CABLES1: variants seen among roughly 807,000 people sequenced by gnomAD.
CABLES1 encodes CDK5 and ABL1 enzyme substrate 1.
CABLES1 carries 36 observed loss-of-function variants against 57.8 expected under a neutral mutation model. The observed-to-expected ratio is 0.62, with a 90% CI of 0.48 to 0.82. The LOEUF (loss-of-function observed/expected upper bound fraction) is 0.82. Ranked by LOEUF, CABLES1 falls within the 40% of genes least tolerant of loss-of-function variation. The pLI, the probability that CABLES1 is intolerant of heterozygous loss-of-function variation, is 0.00. For synonymous variants in CABLES1, 374 were observed against 363.0 expected, an observed-to-expected ratio of 1.03 and a Z score of -0.35; for missense variants, 767 against 836.6, an observed-to-expected ratio of 0.92 and a Z score of 1.03.
intron 1 of CABLES1, among the ~76,000 whole-genome samples, chr18:23,168,830 A>G (rs918085137): frequency 1.3e-5 from 2 of 152,146 alleles, no homozygotes; most frequent in Admixed American, 6.5e-5. Context: ...GTGAGTGCCC[A>G]TTTGTACTAA....
At chr18:23,241,512 A>C (rs1015282334) in intron 7 of CABLES1, among the ~76,000 whole-genome samples, 1 of 152,184 alleles carries the variant, frequency 6.6e-6, no homozygotes, top group Admixed American at 6.5e-5. Context: ...CCTGGGCGAC[A>C]AGCGAAACTA....
intron 3 of CABLES1, among the ~76,000 whole-genome samples, chr18:23,210,299 G>A (rs566771936): frequency 6.6e-6 from 1 of 152,308 alleles, no homozygotes. Context: ...CAAGTAAAGT[G>A]TTGTATGTCA....
chr18:23,243,828 C>T (rs1362002114), intron 7 of CABLES1, among the ~76,000 whole-genome samples: 8 of 149,564 alleles, frequency 5.3e-5, no homozygotes, highest in South Asian at 2.1e-4. Flanking sequence ...GCCGAGATCA[C>T]GCCACTGTAC....
At chr18:23,165,536 C>G (rs770885110) in intron 1 of CABLES1, among the ~76,000 whole-genome samples, 26 of 152,122 alleles carry the variant, frequency 1.7e-4, no homozygotes, top group Admixed American at 5.9e-4. Flanking sequence ...TCCTGCCCCC[C>G]CAGTCCCTGG....
intron 7 of CABLES1, among the ~76,000 whole-genome samples, chr18:23,246,194 G>A (rs568797924): frequency 6.6e-5 from 10 of 151,582 alleles, no homozygotes; most frequent in African/African-American, 2.2e-4. Context: ...AACCTGGGAG[G>A]CAGAGGCTGC....
chr18:23,202,813 C>T (rs569858381), intron 3 of CABLES1, among the ~76,000 whole-genome samples: 2 of 152,130 alleles, frequency 1.3e-5, no homozygotes, highest in South Asian at 4.2e-4. Flanking sequence ...AGTGAAACCC[C>T]ATCTCTACTA....
intron 3 of CABLES1, among the ~76,000 whole-genome samples, chr18:23,203,921 G>T (rs1227279378): frequency 6.6e-6 from 1 of 152,108 alleles, no homozygotes; most frequent in Non-Finnish European, 1.5e-5. Flanking sequence ...CCCCTCAGTG[G>T]CAGAAGGCGG....
intron 3 of CABLES1, among the ~76,000 whole-genome samples, chr18:23,204,164 G>A (rs2047345972): frequency 6.6e-6 from 1 of 152,198 alleles, no homozygotes; most frequent in South Asian, 2.1e-4. Flanking sequence ...GGCGGAAGCG[G>A]GGAGAGAAGC....
chr18:23,254,552 G>T (rs2048117624), intron 9 of CABLES1, among the ~76,000 whole-genome samples: 2 of 152,166 alleles, frequency 1.3e-5, no homozygotes. Flanking sequence ...GTAGTATCTT[G>T]GCTGGTGCTG....
At chr18:23,214,265 A>G (rs777609941) in intron 4 of CABLES1, 35 of 489,182 alleles carry the variant, frequency 7.2e-5, no homozygotes, top group Admixed American at 2.3e-4. Context: ...GTCCCATCCT[A>G]TTGCCTGTTC....
intron 1 of CABLES1, among the ~76,000 whole-genome samples, chr18:23,154,378 T>C (rs2046952287): frequency 6.6e-6 from 1 of 152,322 alleles, no homozygotes; most frequent in Middle Eastern, 3.4e-3. Flanking sequence ...TGGTGGTTTT[T>C]CATAATAGCG....
chr18:23,222,527 T>C (rs1157172904), intron 4 of CABLES1, among the ~76,000 whole-genome samples: 1 of 147,778 alleles, frequency 6.8e-6, no homozygotes, highest in East Asian at 2.0e-4. Flanking sequence ...TCTCTCTCTC[T>C]CTCTGTCTCT....
chr18:23,156,806 C>T (rs2046969095), intron 1 of CABLES1, among the ~76,000 whole-genome samples: 1 of 152,178 alleles, frequency 6.6e-6, no homozygotes, highest in African/African-American at 2.4e-5. Context: ...CTGTAAGGCA[C>T]ACTGCAGCCT....
chr18:23,199,432 A>G (rs1332624851), intron 3 of CABLES1, among the ~76,000 whole-genome samples: 1 of 152,246 alleles, frequency 6.6e-6, no homozygotes, highest in African/African-American at 2.4e-5. Flanking sequence ...ATAATAGCTA[A>G]TAGGTGGAAA....
intron 7 of CABLES1, among the ~76,000 whole-genome samples, chr18:23,241,071 A>G (rs1455435674): frequency 6.6e-6 from 1 of 152,228 alleles, no homozygotes; most frequent in Non-Finnish European, 1.5e-5. Flanking sequence ...AAAAGCAATT[A>G]CTATTCTCAC....
chr18:23,170,533 T>TA (rs1427785274), intron 1 of CABLES1, among the ~76,000 whole-genome samples: 1 of 152,164 alleles, frequency 6.6e-6, no homozygotes, highest in East Asian at 1.9e-4. Flanking sequence ...TTATGCCCCT[T>TA]ATGCTTTTTA....
chr18:23,152,845 A>G (rs931357205), intron 1 of CABLES1, among the ~76,000 whole-genome samples: 6 of 151,680 alleles, frequency 4.0e-5, no homozygotes, highest in African/African-American at 1.2e-4. Context: ...CTTGTTGCCC[A>G]GGCTGGAGTG....
intron 1 of CABLES1, chr18:23,149,676 G>A (rs2144959148): frequency 6.6e-6 from 1 of 152,358 alleles, no homozygotes; most frequent in South Asian, 2.1e-4. Context: ...TTCAGAATGT[G>A]CTCTCTGGAC....
chr18:23,216,762 G>C (rs186984930), intron 4 of CABLES1, among the ~76,000 whole-genome samples: 8 of 152,202 alleles, frequency 5.3e-5, no homozygotes, highest in Admixed American at 5.2e-4. Flanking sequence ...GGACATCCTT[G>C]TGGATATGCG....
Sources: allele counts gnomAD v4.1 joint callset (sites outside exome capture counted in the v4.1 genomes callset), GRCh38; gene constraint gnomAD v4.1.1; transcripts MANE v1.5; gene names NCBI Gene and HGNC (gene_info 2026-07-23, HGNC 2026-07-21).